BIN3: variants seen among roughly 807,000 people sequenced by gnomAD.
BIN3 encodes the protein bridging integrator 3.
A neutral mutation model predicts 38.2 loss-of-function variants in BIN3; 41 were observed. That is an observed-to-expected ratio of 1.07 (90% CI 0.84 to 1.39). BIN3 has a LOEUF of 1.39. Ranked by LOEUF, BIN3 falls within the 40% of genes most tolerant of loss-of-function variation. BIN3 has a pLI of 0.00. For missense variants in BIN3, 361 were observed against 324.3 expected, an observed-to-expected ratio of 1.11 and a Z score of -0.87; for synonymous variants, 145 against 122.6, an observed-to-expected ratio of 1.18 and a Z score of -1.21.
chr8:22,667,625 A>G (rs758273786), intron 1 of BIN3, among the ~76,000 whole-genome samples: 4 of 152,214 alleles, frequency 2.6e-5, no homozygotes, highest in Non-Finnish European at 5.9e-5. Flanking sequence ...TTTGCCCACC[A>G]CTAACTAGGT....
chr8:22,630,655 C>T, intron 4 of BIN3, 77 bp from the exon 5 acceptor site: 1 of 1,554,022 alleles, frequency 6.4e-7, no homozygotes, highest in Non-Finnish European at 8.8e-7. Flanking sequence ...CCCCGTCCTC[C>T]TATGCCAGGG....
intron 1 of BIN3, among the ~76,000 whole-genome samples, chr8:22,661,815 CA>C (rs1476822921): frequency 6.6e-6 from 1 of 151,216 alleles, no homozygotes; most frequent in African/African-American, 2.4e-5. Context: ...TTTTTTGAGA[CA>C]GTCTCACTTT....
intron 1 of BIN3, among the ~76,000 whole-genome samples, chr8:22,654,275 A>G (rs566142668): frequency 6.6e-6 from 1 of 152,226 alleles, no homozygotes; most frequent in South Asian, 2.1e-4. Context: ...TTTTTGTAGG[A>G]TTTGTGAGGG....
chr8:22,662,206 T>C (rs756885948), intron 1 of BIN3, among the ~76,000 whole-genome samples: 1 of 152,226 alleles, frequency 6.6e-6, no homozygotes, highest in Non-Finnish European at 1.5e-5. Context: ...CCCTGCTGCA[T>C]GGAGGTATGG....
intron 1 of BIN3, among the ~76,000 whole-genome samples, chr8:22,649,853 A>C (rs923170972): frequency 4.9e-5 from 7 of 143,256 alleles, no homozygotes; most frequent in African/African-American, 1.7e-4. Context: ...ACACACACAC[A>C]CACACCCCCA....
chr8:22,649,719 CAAACAAAA>C (rs936655646), intron 1 of BIN3, among the ~76,000 whole-genome samples: 3 of 151,132 alleles, frequency 2.0e-5, no homozygotes, highest in African/African-American at 7.3e-5. Context: ...CAAAAACAAA[CAAACAAAA>C]AAACACCCTT....
chr8:22,644,392 G>A (rs908573710), intron 2 of BIN3, among the ~76,000 whole-genome samples: 1 of 152,238 alleles, frequency 6.6e-6, no homozygotes, highest in Admixed American at 6.5e-5. Context: ...AAATGCCTGG[G>A]CAGTGTCTTT....
chr8:22,634,617 C>G, intron 4 of BIN3: 1 of 442,042 alleles, frequency 2.3e-6, no homozygotes, highest in South Asian at 1.6e-5. Context: ...TAGGAGCACA[C>G]TGGTCCTCAA....
chr8:22,640,175 CCTT>C (rs201808636), intron 2 of BIN3, among the ~76,000 whole-genome samples: 1,654 of 151,792 alleles, frequency 0.011, 26 homozygotes, highest in African/African-American at 0.036. Flanking sequence ...CTGGACACAT[CCTT>C]CTTCTTCTTT....
At chr8:22,662,979 A>T (rs1325899639) in intron 1 of BIN3, among the ~76,000 whole-genome samples, 1 of 151,942 alleles carries the variant, frequency 6.6e-6, no homozygotes, top group Non-Finnish European at 1.5e-5. Context: ...TCTACTAAAA[A>T]ATGGTGGTGC....
intron 1 of BIN3, among the ~76,000 whole-genome samples, chr8:22,668,610 A>G (rs931838084): frequency 1.3e-5 from 2 of 152,108 alleles, no homozygotes; most frequent in African/African-American, 4.8e-5. Context: ...CCCAGAAGGG[A>G]GTGGGTTTTG....
At chr8:22,626,509 GC>G (rs1563945310) in intron 6 of BIN3, 1 of 152,302 alleles carries the variant, frequency 6.6e-6, no homozygotes, top group Non-Finnish European at 1.5e-5. Context: ...ACCACCGGCA[GC>G]TACCCTGGTC....
chr8:22,622,239 A>AG (rs1215830252), intron 8 of BIN3, among the ~76,000 whole-genome samples: 1 of 152,210 alleles, frequency 6.6e-6, no homozygotes, highest in Non-Finnish European at 1.5e-5. Flanking sequence ...CACAGACAAT[A>AG]GGGGCCACTT....
Position 22,623,976 on chromosome 8 carries a change from C to T in BIN3, c.554G>A (p.Arg185His), listed in dbSNP as rs367585153. 1.1e-5 allele frequency: 18 copies of T among 1,612,256 alleles called. No homozygotes were observed. Among genetic ancestry groups the T allele is most frequent in the East Asian group, 2.2e-5 (1 of 44,872 alleles). Residue 185 changes from arginine to histidine, a missense_variant, in exon 8 of 9, where the codon CGC becomes CAC. By Grantham distance (29) the Arg-to-His change is conservative. Transcript: ENST00000276416. The stretch of plus-strand genomic sequence containing the variant: ...GTAGTCGAGGCGGCTGCCGTAGAAG[C>T]GCGGCATCTCCTCCAGCAGCTGCCT... ...KNRQLLEEMPRFYGSRLDYFQ... is the reference protein window; with the variant it reads ...KNRQLLEEMPHFYGSRLDYFQ...
In BIN3 at chr8:22,621,018, C is replaced by G. The variant is rs530682243; in HGVS notation, c.*404G>C. ...AAGAGGTTTTGAAGTGAAAAGGCAA[C>G]GAGGGGCCAGAGGGCTCCCCAGGAT... On this transcript the variant is annotated 3_prime_UTR_variant, in exon 9 of 9. Coordinates refer to ENST00000276416, the MANE Select transcript of BIN3 (RefSeq NM_018688.6). 1.8e-5 allele frequency: 3 copies of G among 164,534 alleles called. No individual in the cohort carries two copies. Among genetic ancestry groups the G allele is most frequent in the Non-Finnish European group, 4.0e-5 (3 of 75,886 alleles). The allele number at this position is 164,534 out of a possible 1,614,324, so 10.2% of individuals were successfully genotyped here.
intron 5 of BIN3, 55 bp from the exon 6 acceptor site, chr8:22,630,059 G>C: frequency 6.6e-7 from 1 of 1,507,998 alleles, no homozygotes. Context: ...AGGGCGACAC[G>C]CAAGGCAGGG....
chr8:22,667,934 G>T (rs1803477863), intron 1 of BIN3, among the ~76,000 whole-genome samples: 1 of 152,204 alleles, frequency 6.6e-6, no homozygotes, highest in African/African-American at 2.4e-5. Context: ...AAGCCTTCCT[G>T]AAGGACATTC....
Position 22,621,177 on chromosome 8 carries a change from CT to C in BIN3, c.*244del. The C allele has an allele frequency of 1.9e-6, 1 of 527,202 alleles. No individual in the cohort carries two copies. The highest frequency in any genetic ancestry group is 3.4e-6 in the Non-Finnish European group (1 of 295,820). 32.7% of individuals were successfully genotyped at this position (527,202 alleles called of 1,614,324 possible). Reference sequence around the variant, plus strand: ...GGGCCAGGATGCATGCTGGACGGTTCTCCAAATAAAAAAGCCCCAAGGGTTT... The same window carrying C: ...GGGCCAGGATGCATGCTGGACGGTTCCCAAATAAAAAAGCCCCAAGGGTTT... On this transcript the variant is annotated 3_prime_UTR_variant, in exon 9 of 9. Coordinates refer to ENST00000276416, the MANE Select transcript of BIN3 (RefSeq NM_018688.6).
At chr8:22,637,012 A>G (rs745820532) in intron 2 of BIN3, 50 bp from the exon 3 acceptor site, 21 of 1,559,148 alleles carry the variant, frequency 1.3e-5, no homozygotes, top group Middle Eastern at 3.3e-4. Flanking sequence ...AACACGGTGG[A>G]AAAAACCTCC....
Sources: gnomAD v4.1 joint callset for allele counts (sites outside exome capture counted in the v4.1 genomes callset) on GRCh38, gnomAD v4.1.1 for gene constraint, MANE v1.5 for transcripts, NCBI Gene and HGNC (gene_info 2026-07-23, HGNC 2026-07-21) for gene names.